The following ZNF277 variants were observed in gnomAD, a reference collection of about 807,000 sequenced individuals.
ZNF277 encodes the protein nuclear receptor-interacting factor 4.
Under a neutral mutation model 60.7 loss-of-function variants are expected in ZNF277, and 55 were observed. The ratio of observed to expected loss-of-function variants is 0.91; its 90% CI spans 0.73 to 1.13. ZNF277 has a LOEUF of 1.13. Ranked by LOEUF, ZNF277 falls within the 50% of genes most tolerant of loss-of-function variation. The pLI is 0.00. For missense variants in ZNF277, 510 were observed against 523.0 expected (o/e 0.98, Z 0.24); for synonymous variants, 178 against 179.3 (o/e 0.99, Z 0.06).
chr7:112,336,058 TTC>T lies in ZNF277; in HGVS notation c.802-42_802-41del, dbSNP rs747093474. The T allele has an allele frequency of 5.2e-6, 8 of 1,524,366 alleles. No homozygotes were observed. The Admixed American group carries it at 1.5e-4, about 28-fold the overall frequency. 94.4% of individuals were successfully genotyped at this position (1,524,366 alleles called of 1,614,324 possible). ...TTCAAAGTTCTACATACTCTCTCCC[TTC>T]TCTTTCCCCCAATGTCTCTCATCCC... On this transcript the variant is annotated intron_variant, in intron 7 of 11. Coordinates refer to ENST00000361822, the MANE Select transcript of ZNF277 (RefSeq NM_021994.3).
At chr7:112,324,011 C>T (rs1469706304) in intron 5 of ZNF277, among the ~76,000 whole-genome samples, 1 of 152,156 alleles carries the variant, frequency 6.6e-6, no homozygotes, top group Admixed American at 6.5e-5. Context: ...AACTTCATTT[C>T]AGCCCAAAAG....
intron 1 of ZNF277, among the ~76,000 whole-genome samples, chr7:112,267,915 TC>T (rs909738612): frequency 6.6e-6 from 1 of 152,262 alleles, no homozygotes. Flanking sequence ...TTCTCAAGCA[TC>T]AGGAACTAAC....
intron 1 of ZNF277, among the ~76,000 whole-genome samples, chr7:112,275,431 G>C (rs1008196579): frequency 3.3e-5 from 5 of 152,162 alleles, no homozygotes; most frequent in African/African-American, 1.2e-4. Flanking sequence ...ATAACATATA[G>C]TATGGTCCTT....
rs755551722 is a variant in ZNF277, at chr7:112,265,858, A to G, written c.92-21015A>G. Among the ~76,000 whole-genome samples, 11 of 152,296 alleles carry G rather than the reference A, an allele frequency of 7.2e-5. No individual in the cohort carries two copies. In the East Asian group the frequency reaches 1.9e-3, roughly 27 times the overall value. ...ATTTAGTGAGAGTTTTAATCAAAGT[A>G]TTACATTGGTCACCCAAGAAGTAAA... On this transcript the variant is annotated intron_variant, in intron 1 of 11. Coordinates refer to ENST00000361822, the MANE Select transcript of ZNF277 (RefSeq NM_021994.3).
At chr7:112,305,010 C>A (rs1251092168) in intron 4 of ZNF277, among the ~76,000 whole-genome samples, 1 of 152,154 alleles carries the variant, frequency 6.6e-6, no homozygotes, top group Non-Finnish European at 1.5e-5. Context: ...GCTACACTGG[C>A]TATGTCTGTG....
intron 1 of ZNF277, among the ~76,000 whole-genome samples, chr7:112,279,889 A>C (rs1791901258): frequency 6.6e-6 from 1 of 152,058 alleles, no homozygotes; most frequent in African/African-American, 2.4e-5. Flanking sequence ...AAGGAGAAGG[A>C]TGGATTGGTT....
At chr7:112,237,229 C>T (rs540674226) in intron 1 of ZNF277, among the ~76,000 whole-genome samples, 114 of 151,950 alleles carry the variant, frequency 7.5e-4, no homozygotes, top group African/African-American at 1.8e-3. Flanking sequence ...GCAAAAGCAG[C>T]GCTAAGAAGA....
chr7:112,234,657 G>A (rs73422542), intron 1 of ZNF277, among the ~76,000 whole-genome samples: 2,173 of 152,216 alleles, frequency 0.014, 62 homozygotes, highest in African/African-American at 0.049. Flanking sequence ...CTATCCTTGA[G>A]AATGCAGCAT....
intron 1 of ZNF277, 32 bp from the exon 2 acceptor site, chr7:112,286,841 C>CTATT: frequency 1.1e-6 from 1 of 947,882 alleles, no homozygotes; most frequent in South Asian, 2.1e-5. Flanking sequence ...TTCTTTCTTT[C>CTATT]TTTTTTTTTT....
chr7:112,211,288 C>T (rs1821741428), intron 1 of ZNF277, among the ~76,000 whole-genome samples: 1 of 152,204 alleles, frequency 6.6e-6, no homozygotes, highest in South Asian at 2.1e-4. Context: ...CTAACTCGCC[C>T]TCAGGTACTG....
chr7:112,285,559 C>G (rs577892129), intron 1 of ZNF277, among the ~76,000 whole-genome samples: 2 of 151,566 alleles, frequency 1.3e-5, no homozygotes, highest in Non-Finnish European at 2.9e-5. Context: ...CTCAGCCTCC[C>G]GAGTAGTTGG....
intron 2 of ZNF277, among the ~76,000 whole-genome samples, chr7:112,293,700 A>G (rs915604969): frequency 2.0e-5 from 3 of 152,154 alleles, no homozygotes; most frequent in Admixed American, 6.5e-5. Flanking sequence ...GACTGTGAAC[A>G]TTTTCCAAAG....
intron 1 of ZNF277, among the ~76,000 whole-genome samples, chr7:112,273,061 C>T (rs1350377746): frequency 1.3e-5 from 2 of 152,260 alleles, no homozygotes; most frequent in African/African-American, 4.8e-5. Flanking sequence ...CCTTAGACAC[C>T]GTGGCTGGTG....
intron 1 of ZNF277, among the ~76,000 whole-genome samples, chr7:112,282,474 C>T (rs1205431807): frequency 6.6e-6 from 1 of 152,246 alleles, no homozygotes; most frequent in Admixed American, 6.5e-5. Context: ...TATTCCTTGA[C>T]TAGTGACTGG....
chr7:112,210,478 G>GTTTTTTTTTTTGT (rs1821713326), intron 1 of ZNF277, among the ~76,000 whole-genome samples: 1 of 116,854 alleles, frequency 8.6e-6, no homozygotes. Context: ...TTTTTTTTTT[G>GTTTTTTTTTTTGT]TTTTTTTTTT....
chr7:112,340,988 A>G lies in ZNF277; in HGVS notation c.1126A>G (p.Met376Val), dbSNP rs1793433452. ...FKSKADLRTH[M>V]EETKHTSLLP... ...ATCCAAAGCAGACTTAAGAACTCAC[A>G]TGGAAGAAACTAAACACACTTCGCT... The change falls in exon 11 of 12, where the codon ATG becomes GTG. Residue 376 changes from methionine (M) to valine (V), a missense_variant. Transcript: ENST00000361822. The G allele has an allele frequency of 8.1e-6, 13 of 1,610,168 alleles. No individual in the cohort carries two copies. Among genetic ancestry groups the G allele is most frequent in the Non-Finnish European group, 9.3e-6 (11 of 1,178,776 alleles).
At chr7:112,293,020 C>A (rs116694714) in intron 2 of ZNF277, among the ~76,000 whole-genome samples, 1 of 152,186 alleles carries the variant, frequency 6.6e-6, no homozygotes, top group Admixed American at 6.5e-5. Flanking sequence ...GGACAGCGTG[C>A]TTTACATGCA....
intron 1 of ZNF277, among the ~76,000 whole-genome samples, chr7:112,239,469 G>T (rs933399100): frequency 1.3e-5 from 2 of 152,210 alleles, no homozygotes; most frequent in Non-Finnish European, 2.9e-5. Flanking sequence ...CACAGTCCCA[G>T]TGGTGGTGAC....
intron 4 of ZNF277, among the ~76,000 whole-genome samples, chr7:112,313,622 A>G (rs952054721): frequency 6.6e-6 from 1 of 152,130 alleles, no homozygotes; most frequent in African/African-American, 2.4e-5. Context: ...TGTCTGTTGT[A>G]AGTTTAAAAG....
Sources: allele counts gnomAD v4.1 joint callset (sites outside exome capture counted in the v4.1 genomes callset), GRCh38; gene constraint gnomAD v4.1.1; transcripts MANE v1.5; gene names NCBI Gene and HGNC (gene_info 2026-07-23, HGNC 2026-07-21).